Variants in PDE3A observed in about 807,000 individuals in gnomAD.
The protein encoded by PDE3A is phosphodiesterase 3A, also known as cGMP-inhibited 3',5'-cyclic phosphodiesterase 3A.
PDE3A carries 43 observed loss-of-function variants against 98.3 expected under a neutral mutation model. The ratio of observed to expected loss-of-function variants is 0.44; its 90% confidence interval spans 0.34 to 0.56. The LOEUF is 0.56. Ranked by LOEUF, PDE3A falls within the 20% of genes least tolerant of loss-of-function variation. The pLI is 0.01. For synonymous variants in PDE3A, 663 were observed against 567.9 expected, an observed-to-expected ratio of 1.17 and a Z score of -2.38; for missense variants, 1,427 against 1,440.7, an observed-to-expected ratio of 0.99 and a Z score of 0.15.
intron 15 of PDE3A, among the ~76,000 whole-genome samples, chr12:20,671,726 A>C (rs1263745613): frequency 2.1e-5 from 3 of 141,990 alleles, no homozygotes; most frequent in Non-Finnish European, 3.1e-5. Context: ...ATCTATGACA[A>C]ACCCACAGCC....
intron 1 of PDE3A, among the ~76,000 whole-genome samples, chr12:20,396,899 A>G (rs146461917): frequency 5.9e-4 from 89 of 152,136 alleles, no homozygotes; most frequent in African/African-American, 1.7e-3. Flanking sequence ...ATTGATCACT[A>G]TGAAGTGGTC....
intron 2 of PDE3A, among the ~76,000 whole-genome samples, chr12:20,560,846 G>T (rs1942498628): frequency 6.6e-6 from 1 of 151,840 alleles, no homozygotes; most frequent in South Asian, 2.1e-4. Flanking sequence ...TGTTTTCCTC[G>T]CCGGAAACCC....
At chr12:20,373,802 A>T (rs1427635146) in intron 1 of PDE3A, among the ~76,000 whole-genome samples, 1 of 152,138 alleles carries the variant, frequency 6.6e-6, no homozygotes, top group East Asian at 1.9e-4. Context: ...CACTGATGTG[A>T]GAAAGACACT....
intron 15 of PDE3A, among the ~76,000 whole-genome samples, chr12:20,674,825 GTCT>G (rs1476677593): frequency 1.3e-5 from 2 of 151,474 alleles, no homozygotes; most frequent in African/African-American, 4.8e-5. Context: ...ATTTTTGGAG[GTCT>G]TCTCATTTTT....
rs932389820 is a variant in PDE3A, at chr12:20,552,832, A to G, written c.961-3828A>G. The stretch of plus-strand genomic sequence containing the variant: ...CTGTCAGGAGCTGGTGTTCCGGCCC[A>G]TCACGACCGTGTGCCAGCACAACGT... On this transcript the variant is annotated intron_variant, in intron 1 of 15. Transcript: ENST00000359062. This position sits in a 1 kb window ranked among gnomAD's most constrained non-coding sequence, Gnocchi z 5.1. 3.1e-5 allele frequency: 50 copies of G among 1,613,872 alleles called. No homozygotes were observed. The highest frequency in any genetic ancestry group is 4.1e-5 in the Non-Finnish European group (48 of 1,179,890).
chr12:20,555,584 C>T (rs55942408), intron 1 of PDE3A, among the ~76,000 whole-genome samples: 8 of 152,064 alleles, frequency 5.3e-5, no homozygotes, highest in African/African-American at 1.9e-4. Flanking sequence ...TGTTTATACT[C>T]TCCAATGAAA....
intron 1 of PDE3A, among the ~76,000 whole-genome samples, chr12:20,471,381 G>A (rs896232197): frequency 3.9e-5 from 6 of 152,140 alleles, no homozygotes; most frequent in African/African-American, 1.4e-4. Context: ...AGGTACTGGT[G>A]TTTTTTAAAG....
chr12:20,457,218 G>A (rs1215216092), intron 1 of PDE3A, among the ~76,000 whole-genome samples: 1 of 151,296 alleles, frequency 6.6e-6, no homozygotes, highest in Non-Finnish European at 1.5e-5. Flanking sequence ...TCTGAGCAGG[G>A]AAATTTTTCT....
intron 2 of PDE3A, among the ~76,000 whole-genome samples, chr12:20,590,710 A>G (rs1333115996): frequency 6.6e-6 from 1 of 152,148 alleles, no homozygotes; most frequent in Non-Finnish European, 1.5e-5. Flanking sequence ...AAAAGGCAGC[A>G]GGCACACATT....
intron 15 of PDE3A, among the ~76,000 whole-genome samples, chr12:20,676,052 G>T (rs993049697): frequency 1.3e-5 from 2 of 151,878 alleles, no homozygotes; most frequent in Non-Finnish European, 1.5e-5. Flanking sequence ...TATATCTTTT[G>T]TTCCTTTCTC....
intron 1 of PDE3A, among the ~76,000 whole-genome samples, chr12:20,494,092 A>C (rs1945875522): frequency 6.6e-6 from 1 of 152,200 alleles, no homozygotes; most frequent in Non-Finnish European, 1.5e-5. Flanking sequence ...TTTTGGATTC[A>C]AGTGAAGCAA....
chr12:20,555,912 T>C (rs990297047), intron 1 of PDE3A, among the ~76,000 whole-genome samples: 1 of 152,212 alleles, frequency 6.6e-6, no homozygotes, highest in Non-Finnish European at 1.5e-5. Flanking sequence ...TTATAGTCCA[T>C]CTTATTGGTG....
intron 15 of PDE3A, among the ~76,000 whole-genome samples, chr12:20,666,792 C>G (rs1379666765): frequency 6.6e-6 from 1 of 152,048 alleles, no homozygotes; most frequent in Non-Finnish European, 1.5e-5. Flanking sequence ...TGATAAATAC[C>G]CAGTAGTGGG....
chr12:20,624,707 A>G (rs1007070269), intron 5 of PDE3A, among the ~76,000 whole-genome samples: 2 of 152,230 alleles, frequency 1.3e-5, no homozygotes, highest in South Asian at 2.1e-4. Flanking sequence ...TTAAATTCCT[A>G]AAGTTCAGCC....
chr12:20,448,919 G>A (rs1269759273), intron 1 of PDE3A, among the ~76,000 whole-genome samples: 1 of 151,828 alleles, frequency 6.6e-6, no homozygotes, highest in East Asian at 1.9e-4. Context: ...TTTTAAAAGA[G>A]GTCTTGTTAC....
chr12:20,539,150 G>A (rs73075175), intron 1 of PDE3A, among the ~76,000 whole-genome samples: 42,419 of 151,964 alleles, frequency 0.28, 7,013 homozygotes, highest in East Asian at 0.54. Context: ...GACCAAAACT[G>A]TTTGGAGTTT....
intron 1 of PDE3A, among the ~76,000 whole-genome samples, chr12:20,461,073 A>C (rs999880902): frequency 2.0e-5 from 3 of 152,054 alleles, no homozygotes; most frequent in African/African-American, 7.2e-5. Context: ...ATATAATATT[A>C]AGTGTTTTGC....
chr12:20,667,751 G>C (rs1346985721), intron 15 of PDE3A, among the ~76,000 whole-genome samples: 2 of 152,116 alleles, frequency 1.3e-5, no homozygotes, highest in Admixed American at 6.5e-5. Context: ...GGCTACTCAA[G>C]CTCTTTTTTG....
chr12:20,522,396 G>A (rs1261646242), intron 1 of PDE3A, among the ~76,000 whole-genome samples: 1 of 152,168 alleles, frequency 6.6e-6, no homozygotes, highest in Non-Finnish European at 1.5e-5. Flanking sequence ...TCAGCAATTT[G>A]TCTTTTAACA....
Sources: allele counts gnomAD v4.1 joint callset (sites outside exome capture counted in the v4.1 genomes callset), GRCh38; gene constraint gnomAD v4.1.1; non-coding constraint Gnocchi (gnomAD v3.1); transcripts MANE v1.5; gene names NCBI Gene and HGNC (gene_info 2026-07-23, HGNC 2026-07-21).